The following RSRC1 variants were observed in gnomAD, a reference collection of about 807,000 sequenced individuals.
The protein encoded by RSRC1 is serine/Arginine-related protein 53.
A neutral mutation model predicts 49.1 loss-of-function variants in RSRC1; 39 were observed. The ratio of observed to expected loss-of-function variants is 0.79; its 90% CI spans 0.61 to 1.04. RSRC1 has a LOEUF of 1.04. RSRC1 is among the 50% of genes least tolerant of loss of function. RSRC1 has a pLI of 0.00. For missense variants in RSRC1, 388 were observed against 402.4 expected (o/e 0.96, Z 0.31); for synonymous variants, 143 against 130.8 (o/e 1.09, Z -0.63).
chr3:158,393,799 T>C (rs1360850092), intron 6 of RSRC1, among the ~76,000 whole-genome samples: 1 of 151,830 alleles, frequency 6.6e-6, no homozygotes, highest in East Asian at 1.9e-4. Flanking sequence ...TCACTAACTT[T>C]TTCTATGAGG....
At chr3:158,126,553 G>A (rs1205474187) in intron 3 of RSRC1, among the ~76,000 whole-genome samples, 1 of 151,962 alleles carries the variant, frequency 6.6e-6, no homozygotes, top group African/African-American at 2.4e-5. Flanking sequence ...ATAGCTTATA[G>A]TTAGTTATTT....
At chr3:158,255,436 G>A (rs1578249585) in intron 4 of RSRC1, among the ~76,000 whole-genome samples, 1 of 152,178 alleles carries the variant, frequency 6.6e-6, no homozygotes, top group South Asian at 2.1e-4. Flanking sequence ...CTCTGTTTTG[G>A]TACCAGTACC....
At position 158,411,624 on chromosome 3, in the gene RSRC1, C is replaced by G. The variant is rs1734470582; in HGVS notation, c.584-49311C>G. 2.0e-5 allele frequency among the ~76,000 whole-genome samples: 3 copies of G among 152,040 alleles called. No homozygotes were observed. The South Asian group carries it at 6.2e-4, about 32-fold the overall frequency. ...CCTTGAACTGCTAAGCTCAAGCAAT[C>G]CTCCTACCTCAGCCTCCAGAGACAC... On this transcript the variant is annotated intron_variant, in intron 6 of 9. Coordinates refer to ENST00000611884, the MANE Select transcript of RSRC1 (RefSeq NM_001271838.2).
At chr3:158,439,683 A>G (rs1325231962) in intron 6 of RSRC1, among the ~76,000 whole-genome samples, 1 of 152,086 alleles carries the variant, frequency 6.6e-6, no homozygotes, top group Admixed American at 6.6e-5. Flanking sequence ...GGGCTAGGAG[A>G]GGGATAGCAT....
chr3:158,479,564 A>T (rs1738526412), intron 7 of RSRC1, among the ~76,000 whole-genome samples: 2 of 151,998 alleles, frequency 1.3e-5, no homozygotes, highest in Non-Finnish European at 2.9e-5. Context: ...GTTTTACTTT[A>T]CTAAAAACCA....
chr3:158,169,979 C>T (rs1718778481), intron 3 of RSRC1, among the ~76,000 whole-genome samples: 2 of 151,958 alleles, frequency 1.3e-5, no homozygotes, highest in Admixed American at 1.3e-4. Context: ...TAAAATCAAC[C>T]CCTTATTTAA....
intron 6 of RSRC1, among the ~76,000 whole-genome samples, chr3:158,454,623 A>G (rs12631832): frequency 0.13 from 20,480 of 152,082 alleles, 1,497 homozygotes; most frequent in Middle Eastern, 0.2. Flanking sequence ...TGTTATTTAC[A>G]GTGATAGTGA....
intron 4 of RSRC1, among the ~76,000 whole-genome samples, chr3:158,269,146 G>C (rs541117952): frequency 6.6e-6 from 1 of 151,794 alleles, no homozygotes; most frequent in Non-Finnish European, 1.5e-5. Flanking sequence ...TTGCTGAATT[G>C]CCAGTTAATT....
chr3:158,148,919 G>A (rs1413739763), intron 3 of RSRC1, among the ~76,000 whole-genome samples: 1 of 151,918 alleles, frequency 6.6e-6, no homozygotes, highest in Non-Finnish European at 1.5e-5. Context: ...GAGTAGCTGA[G>A]ATTACAGGCA....
chr3:158,325,192 G>A (rs1282347964), intron 5 of RSRC1, among the ~76,000 whole-genome samples: 3 of 152,154 alleles, frequency 2.0e-5, no homozygotes, highest in African/African-American at 4.8e-5. Flanking sequence ...TGTTCACTTC[G>A]ATGGTAGTTT....
chr3:158,476,149 A>T (rs1442456487), intron 7 of RSRC1, among the ~76,000 whole-genome samples: 1 of 152,114 alleles, frequency 6.6e-6, no homozygotes, highest in Non-Finnish European at 1.5e-5. Context: ...GAAGGTCCTA[A>T]CTCCCTTCAA....
intron 7 of RSRC1, among the ~76,000 whole-genome samples, chr3:158,468,276 G>A (rs1020400399): frequency 3.3e-5 from 5 of 152,104 alleles, no homozygotes; most frequent in African/African-American, 9.7e-5. Flanking sequence ...TCTTTTTCAA[G>A]CTAGCTCTAA....
intron 7 of RSRC1, among the ~76,000 whole-genome samples, chr3:158,512,336 T>A: frequency 7.0e-6 from 1 of 143,318 alleles, no homozygotes; most frequent in South Asian, 2.4e-4. Flanking sequence ...TACATATGGC[T>A]AGCCAGTTTT....
intron 4 of RSRC1, among the ~76,000 whole-genome samples, chr3:158,262,181 G>A (rs1724941677): frequency 6.6e-6 from 1 of 152,076 alleles, no homozygotes; most frequent in Non-Finnish European, 1.5e-5. Context: ...TGTGTTTCGT[G>A]TTGATCTAAG....
intron 6 of RSRC1, among the ~76,000 whole-genome samples, chr3:158,435,927 A>G (rs574038663): frequency 1.8e-4 from 28 of 151,646 alleles, no homozygotes; most frequent in African/African-American, 6.7e-4. Flanking sequence ...ATTAATATTC[A>G]TATGGCTAGA....
intron 3 of RSRC1, among the ~76,000 whole-genome samples, chr3:158,189,571 A>G (rs963793184): frequency 6.6e-6 from 1 of 151,882 alleles, no homozygotes; most frequent in Non-Finnish European, 1.5e-5. Context: ...TGGTTTCACC[A>G]TGTTTCTTTT....
intron 6 of RSRC1, among the ~76,000 whole-genome samples, chr3:158,359,955 A>C (rs1731378473): frequency 6.6e-6 from 1 of 152,126 alleles, no homozygotes; most frequent in Admixed American, 6.5e-5. Context: ...ATGAGTGTTC[A>C]GCTCTTAACA....
chr3:158,120,593 GTAT>G (rs1377701474), intron 1 of RSRC1, among the ~76,000 whole-genome samples: 2 of 145,402 alleles, frequency 1.4e-5, no homozygotes, highest in African/African-American at 2.5e-5. Context: ...TTAATATTAA[GTAT>G]TATATAGTTA....
chr3:158,355,998 GATA>G (rs1333192172), intron 6 of RSRC1, among the ~76,000 whole-genome samples: 1 of 151,698 alleles, frequency 6.6e-6, no homozygotes, highest in Non-Finnish European at 1.5e-5. Flanking sequence ...GATTAATAAT[GATA>G]ATAAAATGGA....
Sources: gnomAD v4.1 joint callset for allele counts (sites outside exome capture counted in the v4.1 genomes callset) on GRCh38, gnomAD v4.1.1 for gene constraint, MANE v1.5 for transcripts, NCBI Gene and HGNC (gene_info 2026-07-23, HGNC 2026-07-21) for gene names.